SMPD3: variants seen among roughly 807,000 people sequenced by gnomAD.
The protein encoded by SMPD3 is nSMase-2.
In SMPD3, 21 loss-of-function variants were observed where a neutral mutation model predicts 55.7. The observed-to-expected ratio is 0.38, with a 90% CI of 0.27 to 0.54. The LOEUF is 0.54. Among genes scored for constraint, SMPD3 ranks in the 20% least tolerant of loss-of-function variants. The probability of loss-of-function intolerance (pLI) is 0.80; values close to 1 mark genes in which losing one functional copy is unlikely to be tolerated. For missense variants in SMPD3, 842 were observed against 899.6 expected (o/e 0.94, Z 0.82); for synonymous variants, 457 against 404.3 (o/e 1.13, Z -1.56).
At chr16:68,362,746 G>T (rs2089348910) in intron 7 of SMPD3, among the ~76,000 whole-genome samples, 1 of 152,232 alleles carries the variant, frequency 6.6e-6, no homozygotes. Flanking sequence ...GCTCAGAAAT[G>T]GAATCCATCA....
chr16:68,396,048 C>G (rs2090154068), intron 1 of SMPD3, among the ~76,000 whole-genome samples: 1 of 152,130 alleles, frequency 6.6e-6, no homozygotes, highest in African/African-American at 2.4e-5. Context: ...CTACTCTGTC[C>G]TTGGCCCCTC....
chr16:68,392,556 G>A (rs59024434), intron 1 of SMPD3, among the ~76,000 whole-genome samples: 2 of 152,118 alleles, frequency 1.3e-5, no homozygotes, highest in African/African-American at 4.8e-5. Context: ...GATAACATTA[G>A]CGTTCTTATA....
At chr16:68,412,853 A>G (rs1051234055) in intron 1 of SMPD3, among the ~76,000 whole-genome samples, 1 of 152,226 alleles carries the variant, frequency 6.6e-6, no homozygotes, top group Admixed American at 6.5e-5. Context: ...TGTTAGAGGA[A>G]TATGCTGTGC....
Position 68,384,132 on chromosome 16 carries a change from CCT to C in SMPD3, c.-207+2464_-207+2465del, listed in dbSNP as rs372566901. Among the ~76,000 whole-genome samples, 646 of 152,356 alleles carry C rather than the reference CCT, an allele frequency of 4.2e-3. 8 individuals carry two copies. The highest frequency in any genetic ancestry group is 0.014 in the African/African-American group (595 of 41,578). On this transcript the variant is annotated intron_variant, in intron 2 of 8. Coordinates refer to ENST00000219334, the MANE Select transcript of SMPD3 (RefSeq NM_018667.4). ...GCAGGCTATATCTGGTGGCCTGATTCCTCTGTCTCCTCTTGCTCCTGGAGCTC... is the reference window on the plus strand; with the variant it reads ...GCAGGCTATATCTGGTGGCCTGATTCCTGTCTCCTCTTGCTCCTGGAGCTC...
intron 1 of SMPD3, among the ~76,000 whole-genome samples, chr16:68,433,851 A>C (rs1184060267): frequency 2.0e-5 from 3 of 148,554 alleles, no homozygotes; most frequent in African/African-American, 7.4e-5. Flanking sequence ...AATGAGTCTT[A>C]CTCTTTTTTT....
At chr16:68,364,393 G>T (rs149139381) in intron 5 of SMPD3, 246 of 258,570 alleles carry the variant, frequency 9.5e-4, no homozygotes, top group African/African-American at 5.1e-3. Context: ...TCTCAGGGTT[G>T]TTAAGACACT....
At chr16:68,365,768 G>T (rs1238748831) in intron 3 of SMPD3, among the ~76,000 whole-genome samples, 1 of 152,168 alleles carries the variant, frequency 6.6e-6, no homozygotes, top group African/African-American at 2.4e-5. Context: ...TCTCCCCTCT[G>T]CCCCGACCTC....
chr16:68,361,895 T>C (rs1007128408), intron 7 of SMPD3, 136 bp from the exon 8 acceptor site: 4 of 1,305,220 alleles, frequency 3.1e-6, no homozygotes, highest in Non-Finnish European at 4.1e-6. Flanking sequence ...TTAAGATCTC[T>C]CCCCTGCGGG....
chr16:68,405,923 G>A (rs2090251377), intron 1 of SMPD3, among the ~76,000 whole-genome samples: 1 of 152,206 alleles, frequency 6.6e-6, no homozygotes, highest in East Asian at 1.9e-4. Context: ...CTTAGTACCA[G>A]CTAACACAGG....
At chr16:68,444,398 T>C (rs1597674333) in intron 1 of SMPD3, among the ~76,000 whole-genome samples, 1 of 152,338 alleles carries the variant, frequency 6.6e-6, no homozygotes, top group Middle Eastern at 3.4e-3. Flanking sequence ...ATGCTGCCAC[T>C]TGCATGCGTG....
Position 68,367,831 on chromosome 16 carries a change from T to C in SMPD3, c.1324-2739A>G, listed in dbSNP as rs1234182003. ...TCACACGAAAGGCTGTGCCTTTGAGTCCTGGCGGGCAAAGACTGTCAACGG... is the reference window on the plus strand; with the variant it reads ...TCACACGAAAGGCTGTGCCTTTGAGCCCTGGCGGGCAAAGACTGTCAACGG... On this transcript the variant is annotated intron_variant, in intron 3 of 8. Coordinates refer to ENST00000219334, the MANE Select transcript of SMPD3 (RefSeq NM_018667.4). 2.0e-5 allele frequency: 3 copies of C among 152,216 alleles called. No individual in the cohort carries two copies. In the East Asian group the frequency reaches 5.8e-4, roughly 29 times the overall value. 9.4% of individuals were successfully genotyped at this position (152,216 alleles called of 1,614,324 possible).
chr16:68,409,321 A>G lies in SMPD3; in HGVS notation c.-268-22662T>C, dbSNP rs183275395. Among the ~76,000 whole-genome samples, 12 of 152,260 alleles carry G rather than the reference A, an allele frequency of 7.9e-5. No individual in the cohort carries two copies. In the East Asian group the frequency reaches 1.7e-3, roughly 22 times the overall value. On this transcript the variant is annotated intron_variant, in intron 1 of 8. Transcript: ENST00000219334. Reference sequence around the variant, plus strand: ...GGGGGTGCAGTGAGGGGAGAGGCATATCTGTAAGCAGGACACACCTGTGGT... The same window carrying G: ...GGGGGTGCAGTGAGGGGAGAGGCATGTCTGTAAGCAGGACACACCTGTGGT...
chr16:68,388,218 A>T (rs968448681), intron 1 of SMPD3, among the ~76,000 whole-genome samples: 1 of 152,094 alleles, frequency 6.6e-6, no homozygotes, highest in Non-Finnish European at 1.5e-5. Flanking sequence ...GTTCATGTGG[A>T]CACCCTGGCT....
At chr16:68,417,595 G>C (rs929526830) in intron 1 of SMPD3, among the ~76,000 whole-genome samples, 1 of 152,200 alleles carries the variant, frequency 6.6e-6, no homozygotes, top group Non-Finnish European at 1.5e-5. Flanking sequence ...TTGTGTTTAT[G>C]ATACAAACAC....
rs1361572673 is a variant in SMPD3, at chr16:68,358,401, T to G, written c.*2805A>C. 6.5e-6 allele frequency: 1 copy of G among 152,732 alleles called. No individual in the cohort carries two copies. The highest frequency in any genetic ancestry group is 1.5e-5 in the Non-Finnish European group (1 of 68,052). The allele number at this position is 152,732 out of a possible 1,614,324, so 9.5% of individuals were successfully genotyped here. A position where few individuals can be genotyped will look rare whatever the true frequency, so the allele number is the denominator to read the frequency against. ...CACCAGTAAGGAAAAAGAACACCTC[T>G]CTTCGCAAAATATTTTATCAGGTGT... On this transcript the variant is annotated 3_prime_UTR_variant, in exon 9 of 9. Transcript: ENST00000219334.
At chr16:68,379,611 C>T (rs1204960333) in intron 2 of SMPD3, among the ~76,000 whole-genome samples, 4 of 152,164 alleles carry the variant, frequency 2.6e-5, no homozygotes, top group East Asian at 3.9e-4. Context: ...CAGGGGACGA[C>T]GTCAGGGCCT....
At chr16:68,445,862 A>T (rs937407766) in intron 1 of SMPD3, among the ~76,000 whole-genome samples, 1 of 152,164 alleles carries the variant, frequency 6.6e-6, no homozygotes, top group Non-Finnish European at 1.5e-5. Flanking sequence ...AGGGTCACTT[A>T]TTGGGGAGGG....
chr16:68,386,113 T>A (rs2090048465), intron 2 of SMPD3, among the ~76,000 whole-genome samples: 1 of 151,616 alleles, frequency 6.6e-6, no homozygotes, highest in Non-Finnish European at 1.5e-5. Flanking sequence ...TTCCAGCTAC[T>A]CAGGAGGCTG....
chr16:68,431,340 TAA>T (rs2090478011), intron 1 of SMPD3, among the ~76,000 whole-genome samples: 1 of 152,196 alleles, frequency 6.6e-6, no homozygotes, highest in South Asian at 2.1e-4. Context: ...CTAATTTACT[TAA>T]AAATAAAAGT....
Sources: allele counts gnomAD v4.1 joint callset (sites outside exome capture counted in the v4.1 genomes callset), GRCh38; gene constraint gnomAD v4.1.1; transcripts MANE v1.5; gene names NCBI Gene and HGNC (gene_info 2026-07-23, HGNC 2026-07-21).